ARMC3: variants seen among roughly 807,000 people sequenced by gnomAD.
ARMC3 encodes the protein armadillo repeat containing 3, also known as armadillo repeat-containing protein 3.
In ARMC3, 74 loss-of-function variants were observed where a neutral mutation model predicts 90.3. The ratio of observed to expected loss-of-function variants is 0.82; its 90% CI spans 0.68 to 0.99. ARMC3 has a LOEUF of 0.99. ARMC3 is among the 50% of genes least tolerant of loss of function. ARMC3 has a pLI of 0.00. For missense variants in ARMC3, 958 were observed against 1,042.8 expected, an observed-to-expected ratio of 0.92 and a Z score of 1.12; for synonymous variants, 334 against 361.8, an observed-to-expected ratio of 0.92 and a Z score of 0.87.
chr10:22,933,776 T>C (rs1302971366), intron 2 of ARMC3, among the ~76,000 whole-genome samples: 1 of 152,102 alleles, frequency 6.6e-6, no homozygotes, highest in Non-Finnish European at 1.5e-5. Flanking sequence ...TCCCAGCTAC[T>C]CGGGAGGCTG....
chr10:22,963,333 T>C (rs187884626), intron 7 of ARMC3, among the ~76,000 whole-genome samples: 163 of 152,196 alleles, frequency 1.1e-3, no homozygotes, highest in African/African-American at 3.9e-3. Context: ...CTCAAAGAGG[T>C]TGAATAACTT....
chr10:22,986,358 C>A (rs993944117), intron 10 of ARMC3, among the ~76,000 whole-genome samples: 5 of 152,036 alleles, frequency 3.3e-5, no homozygotes, highest in African/African-American at 1.2e-4. Context: ...TCGAGACCAG[C>A]ATGGCCAACA....
intron 2 of ARMC3, among the ~76,000 whole-genome samples, chr10:22,935,515 C>T (rs1333023441): frequency 1.3e-5 from 2 of 152,152 alleles, no homozygotes; most frequent in Non-Finnish European, 2.9e-5. Context: ...TATGGCCACT[C>T]GAATTGACTG....
intron 18 of ARMC3, 43 bp from the exon 19 acceptor site, chr10:23,037,227 T>G (rs764715110): frequency 6.7e-7 from 1 of 1,491,300 alleles, no homozygotes; most frequent in South Asian, 1.4e-5. Flanking sequence ...TCCCCACCCC[T>G]CTCCCGCACC....
intron 2 of ARMC3, among the ~76,000 whole-genome samples, chr10:22,944,447 T>C (rs575439852): frequency 6.6e-6 from 1 of 152,340 alleles, no homozygotes; most frequent in Non-Finnish European, 1.5e-5. Flanking sequence ...AAATCATATC[T>C]GAAGTTCTAC....
At position 23,007,695 on chromosome 10, in the gene ARMC3, T is replaced by C. The variant is rs1837690112; in HGVS notation, c.1830-581T>C. 5.9e-5 allele frequency among the ~76,000 whole-genome samples: 5 copies of C among 85,262 alleles called. No homozygotes were observed. The South Asian group carries it at 1.3e-3, about 21-fold the overall frequency. The allele number at this position is 85,262 out of a possible 152,430, so 55.9% of individuals were successfully genotyped here. The stretch of plus-strand genomic sequence containing the variant: ...AGCCTGGCAACAGAGCAAGACTCCG[T>C]CTCAAAAAAAAAAAAAAAAAAAGAG... On this transcript the variant is annotated intron_variant, in intron 14 of 18. Coordinates refer to ENST00000298032, the MANE Select transcript of ARMC3 (RefSeq NM_173081.5).
At chr10:22,930,183 A>G (rs768343917) in intron 1 of ARMC3, among the ~76,000 whole-genome samples, 3 of 152,106 alleles carry the variant, frequency 2.0e-5, no homozygotes, top group Non-Finnish European at 4.4e-5. Flanking sequence ...ATTTGCCCAG[A>G]ATAGTTTCTG....
At chr10:22,960,096 C>G in intron 6 of ARMC3, 1 of 306,658 alleles carries the variant, frequency 3.3e-6, no homozygotes, top group Non-Finnish European at 6.2e-6. Context: ...AACTGCCAAC[C>G]TTCCCCTCCC....
At chr10:22,949,904 CA>C (rs1276481023) in intron 3 of ARMC3, among the ~76,000 whole-genome samples, 1 of 151,810 alleles carries the variant, frequency 6.6e-6, no homozygotes, top group Non-Finnish European at 1.5e-5. Flanking sequence ...ATAAGGATGA[CA>C]GTAGATAATA....
At chr10:22,951,047 C>T (rs1352535515) in intron 3 of ARMC3, among the ~76,000 whole-genome samples, 1 of 151,780 alleles carries the variant, frequency 6.6e-6, no homozygotes, top group African/African-American at 2.4e-5. Flanking sequence ...ACGCCATTCT[C>T]CTGCCTCAGC....
intron 10 of ARMC3, among the ~76,000 whole-genome samples, chr10:22,988,507 T>C (rs189573545): frequency 2.8e-3 from 431 of 152,352 alleles, no homozygotes; most frequent in African/African-American, 9.7e-3. Context: ...GGGAAGATAA[T>C]GTATTGTGTA....
In ARMC3 at chr10:22,988,072, G is replaced by A. The variant is rs192577426; in HGVS notation, c.1175+6372G>A. 4.4e-3 allele frequency among the ~76,000 whole-genome samples: 667 copies of A among 152,318 alleles called. 5 individuals carry two copies. Among genetic ancestry groups the A allele is most frequent in the African/African-American group, 7.4e-3 (309 of 41,568 alleles). ...CCAAATTATATGGATGTGCATTTGA[G>A]TGCTTTGGGAAGCTTAGAATGTCCT... On this transcript the variant is annotated intron_variant, in intron 10 of 18. Transcript: ENST00000298032.
At chr10:22,984,448 A>G (rs892147602) in intron 10 of ARMC3, among the ~76,000 whole-genome samples, 1 of 152,208 alleles carries the variant, frequency 6.6e-6, no homozygotes, top group Non-Finnish European at 1.5e-5. Context: ...TTTTTGTAAA[A>G]CTAACAAATG....
At chr10:22,982,319 AG>A in intron 10 of ARMC3, among the ~76,000 whole-genome samples, 1 of 152,214 alleles carries the variant, frequency 6.6e-6, no homozygotes, top group East Asian at 1.9e-4. Flanking sequence ...TGGAGGTTGC[AG>A]TGAGCCGAGC....
intron 16 of ARMC3, among the ~76,000 whole-genome samples, chr10:23,011,677 CT>C (rs910500723): frequency 6.6e-6 from 1 of 151,242 alleles, no homozygotes; most frequent in Non-Finnish European, 1.5e-5. Context: ...TCCTTGCTTG[CT>C]TTTTTTTTAC....
At chr10:22,983,827 T>A (rs1836292487) in intron 10 of ARMC3, among the ~76,000 whole-genome samples, 1 of 152,212 alleles carries the variant, frequency 6.6e-6, no homozygotes, top group South Asian at 2.1e-4. Context: ...ATGCCAAATA[T>A]AACAGAAGTG....
At chr10:22,989,809 T>TG (rs1836626565) in intron 10 of ARMC3, among the ~76,000 whole-genome samples, 1 of 152,252 alleles carries the variant, frequency 6.6e-6, no homozygotes, top group South Asian at 2.1e-4. Flanking sequence ...CCCTGTCTGA[T>TG]GGAATCTTAT....
intron 18 of ARMC3, among the ~76,000 whole-genome samples, chr10:23,036,848 C>T (rs1241112930): frequency 1.3e-5 from 2 of 152,186 alleles, no homozygotes; most frequent in African/African-American, 4.8e-5. Flanking sequence ...CCATGGCACG[C>T]AGAATAGTTT....
intron 13 of ARMC3, among the ~76,000 whole-genome samples, chr10:23,006,094 G>T (rs1441119258): frequency 2.0e-5 from 3 of 152,142 alleles, no homozygotes; most frequent in African/African-American, 7.2e-5. Context: ...GAAGTCCTGG[G>T]CAAATCTGGG....
Sources: gnomAD v4.1 joint callset for allele counts (sites outside exome capture counted in the v4.1 genomes callset) on GRCh38, gnomAD v4.1.1 for gene constraint, MANE v1.5 for transcripts, NCBI Gene and HGNC (gene_info 2026-07-23, HGNC 2026-07-21) for gene names.